CCDC91: variants seen among roughly 807,000 people sequenced by gnomAD.
CCDC91 encodes the protein coiled-coil domain containing 91, also known as coiled-coil domain-containing protein 91.
Under a neutral mutation model 63.2 loss-of-function variants are expected in CCDC91, and 48 were observed. The observed-to-expected ratio is 0.76, with a 90% CI of 0.60 to 0.97. The LOEUF (loss-of-function observed/expected upper bound fraction) is 0.97, where lower values mean the gene tolerates loss of function less well. Among genes scored for constraint, CCDC91 ranks in the 50% least tolerant of loss-of-function variants. The probability of loss-of-function intolerance (pLI) is 0.00; values close to 1 mark genes in which losing one functional copy is unlikely to be tolerated. For synonymous variants in CCDC91, 167 were observed against 165.8 expected (o/e 1.01, Z -0.06); for missense variants, 500 against 494.6 (o/e 1.01, Z -0.10).
At chr12:28,354,452 T>C (rs974800898) in intron 6 of CCDC91, among the ~76,000 whole-genome samples, 1 of 152,092 alleles carries the variant, frequency 6.6e-6, no homozygotes, top group Non-Finnish European at 1.5e-5. Context: ...AGACACTATT[T>C]CCAAATAAGG....
intron 6 of CCDC91, among the ~76,000 whole-genome samples, chr12:28,334,187 A>T (rs1592339275): frequency 6.6e-6 from 1 of 151,824 alleles, no homozygotes; most frequent in East Asian, 1.9e-4. Context: ...TGTGGCAGGG[A>T]TGTTTTCTTG....
chr12:28,245,550 A>G (rs181565872), intron 1 of CCDC91, among the ~76,000 whole-genome samples: 3 of 152,320 alleles, frequency 2.0e-5, no homozygotes, highest in Admixed American at 2.0e-4. Context: ...GTGGAAACAC[A>G]TGTTATAAAC....
intron 8 of CCDC91, among the ~76,000 whole-genome samples, chr12:28,437,555 C>A (rs910805902): frequency 2.6e-5 from 4 of 151,996 alleles, no homozygotes; most frequent in Non-Finnish European, 4.4e-5. Flanking sequence ...CAGCTAGATT[C>A]TTCAATTATG....
chr12:28,498,274 A>T (rs1365407308), intron 12 of CCDC91, among the ~76,000 whole-genome samples: 1 of 151,628 alleles, frequency 6.6e-6, no homozygotes, highest in Non-Finnish European at 1.5e-5. Flanking sequence ...CCTTGAATTT[A>T]GTGAAAGAAA....
At chr12:28,373,624 TG>T (rs1337143497) in intron 7 of CCDC91, among the ~76,000 whole-genome samples, 18 of 146,218 alleles carry the variant, frequency 1.2e-4, no homozygotes, top group African/African-American at 2.5e-4. Flanking sequence ...ATTTTTTTTT[TG>T]AATAAATGCT....
intron 6 of CCDC91, among the ~76,000 whole-genome samples, chr12:28,352,459 T>A (rs1943246241): frequency 6.6e-6 from 1 of 152,224 alleles, no homozygotes; most frequent in Admixed American, 6.5e-5. Context: ...TAAGTTTGTG[T>A]GGTAATATTC....
chr12:28,387,479 G>T (rs1165181335), intron 7 of CCDC91, among the ~76,000 whole-genome samples: 1 of 152,120 alleles, frequency 6.6e-6, no homozygotes, highest in Non-Finnish European at 1.5e-5. Context: ...AGATTTTGGT[G>T]CATCCATCAT....
intron 11 of CCDC91, among the ~76,000 whole-genome samples, chr12:28,471,627 GTT>G (rs1192133256): frequency 1.3e-5 from 2 of 152,098 alleles, no homozygotes; most frequent in African/African-American, 4.8e-5. Context: ...CAAACAGAAT[GTT>G]TCATATCTTT....
chr12:28,452,873 C>T (rs1949879390), intron 11 of CCDC91, among the ~76,000 whole-genome samples: 1 of 151,122 alleles, frequency 6.6e-6, no homozygotes, highest in Non-Finnish European at 1.5e-5. Context: ...AGTAACTGAC[C>T]ATTTTACCCT....
chr12:28,218,067 C>T (rs1263438149), intron 1 of CCDC91, among the ~76,000 whole-genome samples: 1 of 152,082 alleles, frequency 6.6e-6, no homozygotes, highest in Non-Finnish European at 1.5e-5. Flanking sequence ...TTCCTCCATC[C>T]TCCGTGTTTG....
At chr12:28,338,771 T>C (rs543378001) in intron 6 of CCDC91, among the ~76,000 whole-genome samples, 2 of 152,116 alleles carry the variant, frequency 1.3e-5, no homozygotes, top group Admixed American at 1.3e-4. Flanking sequence ...ATGGATGCTT[T>C]GGACTAGGGC....
chr12:28,533,418 G>C (rs1364190462), intron 12 of CCDC91, among the ~76,000 whole-genome samples: 2 of 151,834 alleles, frequency 1.3e-5, no homozygotes, highest in Admixed American at 1.3e-4. Context: ...AGTTTACGTG[G>C]CTGTAAAATA....
At chr12:28,370,203 A>G (rs1368849219) in intron 7 of CCDC91, among the ~76,000 whole-genome samples, 4 of 152,192 alleles carry the variant, frequency 2.6e-5, no homozygotes, top group Non-Finnish European at 5.9e-5. Context: ...ATGAGTTCCA[A>G]TGTGAGATCA....
chr12:28,529,138 A>G (rs1334220997), intron 12 of CCDC91, among the ~76,000 whole-genome samples: 2 of 152,210 alleles, frequency 1.3e-5, no homozygotes, highest in African/African-American at 2.4e-5. Flanking sequence ...TTATTTAAAC[A>G]TATGACATAC....
chr12:28,219,057 A>G (rs1382533556), intron 1 of CCDC91, among the ~76,000 whole-genome samples: 1 of 152,208 alleles, frequency 6.6e-6, no homozygotes, highest in Non-Finnish European at 1.5e-5. Flanking sequence ...ATCAGTTTAC[A>G]TTCTCACTAG....
intron 12 of CCDC91, among the ~76,000 whole-genome samples, chr12:28,526,230 A>G (rs779201853): frequency 6.7e-5 from 10 of 149,430 alleles, no homozygotes; most frequent in Admixed American, 3.3e-4. Flanking sequence ...TTCTGTTTTG[A>G]TGTGTTTCCA....
At chr12:28,542,410 T>A (rs1215189535) in intron 12 of CCDC91, among the ~76,000 whole-genome samples, 1 of 152,124 alleles carries the variant, frequency 6.6e-6, no homozygotes, top group Non-Finnish European at 1.5e-5. Context: ...AGCTTCTTTA[T>A]ATGTTGACAT....
intron 11 of CCDC91, among the ~76,000 whole-genome samples, chr12:28,481,855 AGG>A (rs1393679417): frequency 2.0e-5 from 3 of 152,002 alleles, no homozygotes; most frequent in Non-Finnish European, 4.4e-5. Context: ...TCAACTGAGA[AGG>A]TATTAATAAT....
At chr12:28,320,627 C>T (rs1246572856) in intron 6 of CCDC91, among the ~76,000 whole-genome samples, 1 of 151,850 alleles carries the variant, frequency 6.6e-6, no homozygotes, top group African/African-American at 2.4e-5. Context: ...GAAGCAAATG[C>T]TTATAAAATC....
Sources: allele counts gnomAD v4.1 joint callset (sites outside exome capture counted in the v4.1 genomes callset), GRCh38; gene constraint gnomAD v4.1.1; transcripts MANE v1.5; gene names NCBI Gene and HGNC (gene_info 2026-07-23, HGNC 2026-07-21).